MET: variants seen among roughly 807,000 people sequenced by gnomAD.
The protein encoded by MET is MET proto-oncogene, receptor tyrosine kinase.
MET carries 48 observed loss-of-function variants against 133.1 expected under a neutral mutation model. The observed-to-expected ratio is 0.36, with a 90% CI of 0.29 to 0.46. The LOEUF (loss-of-function observed/expected upper bound fraction) is 0.46. Ranked by LOEUF, MET falls within the 20% of genes least tolerant of loss-of-function variation. MET has a pLI of 1.00. For synonymous variants in MET, 628 were observed against 616.5 expected (o/e 1.02, Z -0.28); for missense variants, 1,442 against 1,695.9 (o/e 0.85, Z 2.63).
chr7:116,708,599 G>A (rs947449627), intron 2 of MET, among the ~76,000 whole-genome samples: 2 of 152,040 alleles, frequency 1.3e-5, no homozygotes, highest in African/African-American at 4.8e-5. Context: ...TTTATTATGT[G>A]GTTCTTCTTC....
intron 2 of MET, among the ~76,000 whole-genome samples, chr7:116,720,814 C>A (rs1279603875): frequency 8.5e-6 from 1 of 118,008 alleles, no homozygotes; most frequent in Non-Finnish European, 1.8e-5. Context: ...ATTGAACCAG[C>A]CTTGCATCCC....
At chr7:116,759,138 G>A (rs1445823660) in intron 9 of MET, among the ~76,000 whole-genome samples, 1 of 152,072 alleles carries the variant, frequency 6.6e-6, no homozygotes, top group Non-Finnish European at 1.5e-5. Context: ...TTTTTCAGAG[G>A]TGAAATATTT....
intron 19 of MET, among the ~76,000 whole-genome samples, chr7:116,785,510 G>A (rs906324485): frequency 1.1e-4 from 16 of 152,114 alleles, no homozygotes; most frequent in South Asian, 6.2e-4. Context: ...CCAGATCTCC[G>A]TAGAATTCTA....
intron 9 of MET, among the ~76,000 whole-genome samples, chr7:116,758,991 T>A (rs575485755): frequency 6.6e-6 from 1 of 152,358 alleles, no homozygotes; most frequent in South Asian, 2.1e-4. Flanking sequence ...GTTTTTGTCC[T>A]GCCTGCTTTA....
At position 116,719,528 on chromosome 7, in the gene MET, C is replaced by T. The variant is rs1021196224; in HGVS notation, c.1201-12140C>T. On this transcript the variant is annotated intron_variant, in intron 2 of 20. Transcript: ENST00000397752. ...ATTTGTCAATTTTGGCTTTTGTTGC[C>T]ATTGCTTTTGGTGTTTTGGACATGA... is the stretch of plus-strand genomic sequence containing the variant. Among the ~76,000 whole-genome samples, 280 of 152,088 alleles carry T rather than the reference C, an allele frequency of 1.8e-3. 11 individuals carry two copies. The South Asian group carries it at 0.053, about 29-fold the overall frequency.
chr7:116,790,537 C>A (rs1795453963), intron 19 of MET, among the ~76,000 whole-genome samples: 2 of 152,128 alleles, frequency 1.3e-5, no homozygotes, highest in African/African-American at 4.8e-5. Context: ...GTTTCTTATA[C>A]CTCTTGGCTA....
chr7:116,677,258 C>T (rs1796195265), intron 1 of MET, among the ~76,000 whole-genome samples: 2 of 152,164 alleles, frequency 1.3e-5, no homozygotes, highest in Admixed American at 1.3e-4. Flanking sequence ...TTCTTTCTTT[C>T]CCCCTCGCTC....
chr7:116,712,153 G>C (rs1792025714), intron 2 of MET, among the ~76,000 whole-genome samples: 1 of 152,162 alleles, frequency 6.6e-6, no homozygotes, highest in Admixed American at 6.5e-5. Context: ...AACACGTGTA[G>C]CTTGGTCCAC....
At chr7:116,731,966 A>G in intron 3 of MET, 107 bp downstream of exon 3, 2 of 1,111,588 alleles carry the variant, frequency 1.8e-6, no homozygotes, top group Non-Finnish European at 2.7e-6. Context: ...AGTCCAAATC[A>G]TAGTAGAAAC....
At position 116,763,063 on chromosome 7, in the gene MET, G is replaced by A. The variant is rs199643166; in HGVS notation, c.2378G>A (p.Arg793His). 33 of 1,613,798 alleles carry A rather than the reference G, an allele frequency of 2.0e-5. No individual in the cohort carries two copies. In the African/African-American group the frequency reaches 2.7e-4, roughly 13 times the overall value. The change falls in exon 11 of 21, where the codon CGC becomes CAC. Residue 793 changes from arginine to histidine, a missense_variant. Around this residue, in one of 6 missense-constraint regions of MET, gnomAD observed 514 missense variants for 659.6 expected, o/e 0.78. Transcript: ENST00000397752. ...GRNFTVACQH[R>H]SNSEIICCTT... The stretch of plus-strand genomic sequence containing the variant: ...GTCTTTCTCTAGGCATGTCAACATC[G>A]CTCTAATTCAGAGATAATCTGTTGT...
intron 2 of MET, among the ~76,000 whole-genome samples, chr7:116,720,407 G>A (rs879866507): frequency 7.0e-6 from 1 of 143,732 alleles, no homozygotes; most frequent in Non-Finnish European, 1.5e-5. Context: ...GGGTTTTCTA[G>A]ATATACAATC....
At chr7:116,772,025 A>G (rs372243309) in intron 14 of MET, 36 bp downstream of exon 14, 89 of 1,608,276 alleles carry the variant, frequency 5.5e-5, no homozygotes, top group Non-Finnish European at 7.5e-5. Context: ...AAATACCTAT[A>G]CATATACCTC....
chr7:116,763,247 T>G lies in MET; in HGVS notation c.2562T>G (p.Asn854Lys). The G allele has an allele frequency of 6.2e-7, 1 of 1,613,816 alleles. No homozygotes were observed. The highest frequency in any genetic ancestry group is 8.5e-7 in the Non-Finnish European group (1 of 1,179,814). Residue 854 changes from asparagine (N) to lysine (K), a missense_variant, in exon 11 of 21, where the codon AAT (asparagine) becomes AAG (lysine). Physicochemically the swap from Asn to Lys is moderately conservative, Grantham distance 94. Around this residue, in one of 6 missense-constraint regions of MET, gnomAD observed 514 missense variants for 659.6 expected, o/e 0.78. Transcript: ENST00000397752. ...AGCCAGTGATGATCTCAATGGGCAA[T>G]GAAAATGTACTGGAAATTAAGGTAA... ...FEKPVMISMG[N>K]ENVLEIKGND...
intron 3 of MET, among the ~76,000 whole-genome samples, chr7:116,739,214 G>A (rs1435210043): frequency 6.6e-6 from 1 of 152,174 alleles, no homozygotes; most frequent in Non-Finnish European, 1.5e-5. Flanking sequence ...TCTAGGAACA[G>A]GACAGATGGA....
intron 2 of MET, among the ~76,000 whole-genome samples, chr7:116,722,185 T>C (rs1023731875): frequency 6.6e-5 from 10 of 151,970 alleles, no homozygotes; most frequent in African/African-American, 2.4e-4. Context: ...TGGGTGCATA[T>C]ATATTTAGGA....
intron 1 of MET, among the ~76,000 whole-genome samples, chr7:116,689,329 C>T (rs1012207294): frequency 6.6e-6 from 1 of 152,114 alleles, no homozygotes; most frequent in African/African-American, 2.4e-5. Flanking sequence ...CATTCTACCC[C>T]AACAGATAAA....
chr7:116,680,080 AG>A (rs1238828612), intron 1 of MET, among the ~76,000 whole-genome samples: 3 of 147,618 alleles, frequency 2.0e-5, no homozygotes, highest in Admixed American at 1.4e-4. Context: ...TTATATCTTG[AG>A]GGGGCGGGGG....
intron 5 of MET, among the ~76,000 whole-genome samples, chr7:116,744,795 G>C (rs1325192240): frequency 6.6e-6 from 1 of 152,138 alleles, no homozygotes; most frequent in Non-Finnish European, 1.5e-5. Context: ...GGAGAGAAAA[G>C]TCGGGTTACC....
At chr7:116,712,702 CCA>C (rs761141143) in intron 2 of MET, among the ~76,000 whole-genome samples, 1 of 151,964 alleles carries the variant, frequency 6.6e-6, no homozygotes, top group South Asian at 2.1e-4. Flanking sequence ...CCCGTCCCCC[CCA>C]CACACACCCT....
Sources: gnomAD v4.1 joint callset for allele counts (sites outside exome capture counted in the v4.1 genomes callset) on GRCh38, gnomAD v4.1.1 for gene constraint, gnomAD v4.1.1 regional missense constraint, MANE v1.5 for transcripts, NCBI Gene and HGNC (gene_info 2026-07-23, HGNC 2026-07-21) for gene names.